The following MACF1 variants were observed in gnomAD, a reference collection of about 807,000 sequenced individuals.
The protein encoded by MACF1 is microtubule actin crosslinking factor 1.
MACF1 carries 193 observed loss-of-function variants against 854.8 expected under a neutral mutation model. That is an observed-to-expected ratio of 0.23 (90% CI 0.20 to 0.25). The LOEUF is 0.25. Ranked by LOEUF, MACF1 falls within the 10% of genes least tolerant of loss-of-function variation. The pLI is 1.00. For missense variants in MACF1, 7,722 were observed against 8,929.1 expected, an observed-to-expected ratio of 0.86 and a Z score of 5.45; for synonymous variants, 3,185 against 3,226.7, an observed-to-expected ratio of 0.99 and a Z score of 0.44.
intron 90 of MACF1, chr1:39,458,726 G>A (rs2296175): frequency 0.18 from 98,372 of 544,616 alleles, 10,047 homozygotes; most frequent in Non-Finnish European, 0.21. Flanking sequence ...TTTTTTAACA[G>A]TGGCCTTTCC....
intron 58 of MACF1, chr1:39,414,622 A>G (rs894325819): frequency 3.8e-5 from 48 of 1,271,980 alleles, no homozygotes; most frequent in Non-Finnish European, 5.2e-5. Context: ...CTTTCTGTTC[A>G]GTTTTTGGGG....
chr1:39,244,230 G>A (rs893376343), intron 2 of MACF1, among the ~76,000 whole-genome samples: 2 of 151,532 alleles, frequency 1.3e-5, no homozygotes, highest in Non-Finnish European at 2.9e-5. Context: ...TCAGCCTCCT[G>A]AGTAGCTGGA....
At chr1:39,417,712 A>ATTTTTTTTTTTTTTT (rs1643370130) in intron 58 of MACF1, among the ~76,000 whole-genome samples, 2 of 68,516 alleles carry the variant, frequency 2.9e-5, no homozygotes, top group East Asian at 9.0e-4. Context: ...ACACCCAGTT[A>ATTTTTTTTTTTTTTT]ATTTTTTTTT....
chr1:39,230,584 TAAA>T lies in MACF1; in HGVS notation c.110-587_110-585del, dbSNP rs547789042. 5.1e-5 allele frequency among the ~76,000 whole-genome samples: 7 copies of T among 137,744 alleles called. 1 individual carries two copies. In the East Asian group the frequency reaches 1.5e-3, roughly 29 times the overall value. The allele number at this position is 137,744 out of a possible 152,430, so 90.4% of individuals were successfully genotyped here. On this transcript the variant is annotated intron_variant, in intron 1 of 100. Transcript: ENST00000564288. ...GACAGTCATGTTTTTGTTAAAGAGGTAAAAAAAAAAAAACCTGGAGAAAAAAGG... is the reference window on the plus strand; with the variant it reads ...GACAGTCATGTTTTTGTTAAAGAGGTAAAAAAAAAACCTGGAGAAAAAAGG...
chr1:39,262,572 A>G (rs1191332000), intron 6 of MACF1, among the ~76,000 whole-genome samples: 3 of 152,108 alleles, frequency 2.0e-5, no homozygotes, highest in South Asian at 4.1e-4. Flanking sequence ...GGAACACAGT[A>G]TGAACTCAAC....
At position 39,475,880 on chromosome 1, in the gene MACF1, A is replaced by G. The variant is rs543568682; in HGVS notation, c.21959-3918A>G. Among the ~76,000 whole-genome samples the G allele has an allele frequency of 3.0e-4, 45 of 152,294 alleles. No individual in the cohort carries two copies. In the East Asian group the frequency reaches 3.1e-3, roughly 10 times the overall value. On this transcript the variant is annotated intron_variant, in intron 97 of 100. Coordinates refer to ENST00000564288, the MANE Select transcript of MACF1 (RefSeq NM_001394062.1). Reference sequence around the variant, plus strand: ...ACCAGGTCAAGTCTAAGGGGAGAACAGGACTGTGGACAGACCCAGCAGACA... The same window carrying G: ...ACCAGGTCAAGTCTAAGGGGAGAACGGGACTGTGGACAGACCCAGCAGACA...
intron 58 of MACF1, chr1:39,414,155 C>T: frequency 6.2e-7 from 1 of 1,611,690 alleles, no homozygotes; most frequent in Admixed American, 1.7e-5. Flanking sequence ...GCCTCCCCAG[C>T]AGCAGCAGTG....
chr1:39,300,229 T>C lies in MACF1; in HGVS notation c.2501T>C (p.Ile834Thr). Reference protein sequence around the residue: ...QDSMDEKEQLIQSKSSVASLV... With the variant: ...QDSMDEKEQLTQSKSSVASLV... ...TTGTAGGATGAAAAGGAGCAGCTTATACAGTCCAAGAGTTCCGTTGCCAGT... is the reference window on the plus strand; with the variant it reads ...TTGTAGGATGAAAAGGAGCAGCTTACACAGTCCAAGAGTTCCGTTGCCAGT... Residue 834 changes from isoleucine to threonine, a missense_variant, in exon 22 of 101, where the codon ATA (isoleucine) becomes ACA (threonine). Physicochemically the swap from Ile to Thr is moderately conservative, Grantham distance 89. Coordinates refer to ENST00000564288, the MANE Select transcript of MACF1 (RefSeq NM_001394062.1). The C allele has an allele frequency of 6.2e-7, 1 of 1,614,024 alleles. No homozygotes were observed. Among genetic ancestry groups the C allele is most frequent in the Non-Finnish European group, 8.5e-7 (1 of 1,180,000 alleles).
chr1:39,287,414 A>G lies in MACF1; in HGVS notation c.1637A>G (p.Glu546Gly). ...STLTTTHLKA[E>G]PLTKATHSSS... is the part of the protein sequence containing the mutation. ...TTAACCACCACTCATCTGAAAGCAG[A>G]ACCCTTAACCAAGGCAACCCATTCT... Residue 546 changes from glutamate to glycine, a missense_variant, in exon 15 of 101, where the codon GAA becomes GGA. Glu to Gly is a moderately conservative substitution (Grantham distance 98, BLOSUM62 -2). This residue lies in a region of MACF1 where 1,137 missense variants were observed against 1,263.0 expected (regional missense o/e 0.90). Coordinates refer to ENST00000564288, the MANE Select transcript of MACF1 (RefSeq NM_001394062.1). 1.2e-6 allele frequency: 2 copies of G among 1,614,208 alleles called. No individual in the cohort carries two copies. Among genetic ancestry groups the G allele is most frequent in the Non-Finnish European group, 1.7e-6 (2 of 1,180,034 alleles).
chr1:39,241,741 C>G (rs1644926701), intron 2 of MACF1, among the ~76,000 whole-genome samples: 1 of 149,548 alleles, frequency 6.7e-6, no homozygotes, highest in Non-Finnish European at 1.5e-5. Context: ...AGGGGGGACT[C>G]TTATTATTTA....
intron 6 of MACF1, among the ~76,000 whole-genome samples, chr1:39,275,939 G>A (rs932733191): frequency 6.2e-4 from 70 of 112,972 alleles, no homozygotes; most frequent in African/African-American, 2.2e-3. Context: ...TTTTTTTTTT[G>A]AGAAAGAATC....
In MACF1 at chr1:39,251,982, C is replaced by T. The variant is rs1645044786; in HGVS notation, c.357+41C>T. The T allele has an allele frequency of 5.0e-6, 7 of 1,393,414 alleles. No homozygotes were observed. The Admixed American group carries it at 7.2e-5, about 14-fold the overall frequency. 86.3% of individuals were successfully genotyped at this position (1,393,414 alleles called of 1,614,324 possible). ...GATGCCAGCATCCCAGCTGGCACTG[C>T]TGGCACTGCAGGGCCATCAGAGTCT... On this transcript the variant is annotated intron_variant, in intron 4 of 100. Coordinates refer to ENST00000564288, the MANE Select transcript of MACF1 (RefSeq NM_001394062.1).
At chr1:39,230,501 G>A (rs1216055313) in intron 1 of MACF1, among the ~76,000 whole-genome samples, 7 of 151,976 alleles carry the variant, frequency 4.6e-5, no homozygotes, top group Admixed American at 2.0e-4. Flanking sequence ...GGCAGGAGTC[G>A]GAGAAAGTAA....
chr1:39,412,853 T>G (rs1256876553), intron 58 of MACF1: 3 of 1,611,092 alleles, frequency 1.9e-6, no homozygotes, highest in Non-Finnish European at 1.7e-6. Flanking sequence ...ATTGCTGCAG[T>G]GCCTGCCCCA....
chr1:39,439,875 G>A (rs2148662780), intron 72 of MACF1, among the ~76,000 whole-genome samples: 1 of 152,080 alleles, frequency 6.6e-6, no homozygotes, highest in Non-Finnish European at 1.5e-5. Context: ...CAAAGTGCTG[G>A]GATTACAGGC....
intron 40 of MACF1, among the ~76,000 whole-genome samples, chr1:39,344,019 G>A (rs539123286): frequency 1.1e-3 from 165 of 152,064 alleles, no homozygotes; most frequent in Non-Finnish European, 1.9e-3. Context: ...GGAGGCTGAG[G>A]CAGGAGAATC....
At chr1:39,425,590 C>G (rs1643699185) in intron 61 of MACF1, among the ~76,000 whole-genome samples, 1 of 152,126 alleles carries the variant, frequency 6.6e-6, no homozygotes, top group Admixed American at 6.5e-5. Context: ...TCTTCTCACT[C>G]CTTAATATTA....
chr1:39,334,644 G>T lies in MACF1; in HGVS notation c.8056G>T (p.Ala2686Ser). The T allele has an allele frequency of 1.2e-6, 2 of 1,614,068 alleles. No individual in the cohort carries two copies. The highest frequency in any genetic ancestry group is 1.7e-6 in the Non-Finnish European group (2 of 1,180,006). Residue 2686 changes from alanine to serine, a missense_variant, in exon 37 of 101, where the codon GCC becomes TCC. Ala to Ser is a moderately conservative substitution (Grantham distance 99). This residue lies in a region of MACF1 where 1,531 missense variants were observed against 1,601.6 expected (regional missense o/e 0.96). Transcript: ENST00000564288. ...TGCATCTACGCTGAAGGTTCTAGAAGCCCAGGCAAATACTGGTGGAATCAT... is the reference window on the plus strand; with the variant it reads ...TGCATCTACGCTGAAGGTTCTAGAATCCCAGGCAAATACTGGTGGAATCAT... ...DFASTLKVLEAQANTGGIIDT... is the reference protein window; with the variant it reads ...DFASTLKVLESQANTGGIIDT...
intron 6 of MACF1, among the ~76,000 whole-genome samples, chr1:39,276,269 G>A (rs545567175): frequency 6.6e-6 from 1 of 152,070 alleles, no homozygotes; most frequent in African/African-American, 2.4e-5. Flanking sequence ...ATCTTTAGTG[G>A]GTGATGAGGT....
Sources: gnomAD v4.1 joint callset for allele counts (sites outside exome capture counted in the v4.1 genomes callset) on GRCh38, gnomAD v4.1.1 for gene constraint, gnomAD v4.1.1 regional missense constraint, MANE v1.5 for transcripts, NCBI Gene and HGNC (gene_info 2026-07-23, HGNC 2026-07-21) for gene names.